The following TIMM17A variants were observed in gnomAD, a reference collection of about 807,000 sequenced individuals.
TIMM17A encodes translocase of inner mitochondrial membrane 17A.
In TIMM17A, 15 loss-of-function variants were observed where a neutral mutation model predicts 26.5. The observed-to-expected ratio is 0.57, with a 90% confidence interval of 0.38 to 0.87. TIMM17A has a LOEUF of 0.87. TIMM17A is among the 40% of genes least tolerant of loss of function. The pLI, the probability that TIMM17A is intolerant of heterozygous loss-of-function variation, is 0.00. For synonymous variants in TIMM17A, 80 were observed against 70.8 expected (o/e 1.13, Z -0.66); for missense variants, 201 against 210.0 (o/e 0.96, Z 0.27).
At chr1:201,959,331 G>A (rs1350177704) in intron 3 of TIMM17A, among the ~76,000 whole-genome samples, 1 of 151,934 alleles carries the variant, frequency 6.6e-6, no homozygotes, top group Non-Finnish European at 1.5e-5. Context: ...ACTCCAGGCG[G>A]GGTGACAGAG....
chr1:201,955,882 C>G (rs1571601709), intron 1 of TIMM17A, among the ~76,000 whole-genome samples: 1 of 152,196 alleles, frequency 6.6e-6, no homozygotes, highest in East Asian at 1.9e-4. Context: ...AGTTATAATC[C>G]CCCCTGTTCG....
intron 5 of TIMM17A, among the ~76,000 whole-genome samples, chr1:201,966,309 C>T (rs1682624553): frequency 6.6e-6 from 1 of 151,860 alleles, no homozygotes; most frequent in South Asian, 2.1e-4. Context: ...TTGCAGTGAG[C>T]CGAGATCACA....
chr1:201,955,557 G>C lies in TIMM17A; in HGVS notation c.26+5G>C, dbSNP rs767828065. ...GGAGTACGCGCGAGAGCCTTGGTGA[G>C]CTTCACCGCTGTCTTTGCATTTCTC... On this transcript the variant is annotated splice_donor_5th_base_variant and intron_variant, in intron 1 of 5. Coordinates refer to ENST00000367287, the MANE Select transcript of TIMM17A (RefSeq NM_006335.3). 1 of 1,614,114 alleles carries C rather than the reference G, an allele frequency of 6.2e-7. No individual in the cohort carries two copies. The highest frequency in any genetic ancestry group is 8.5e-7 in the Non-Finnish European group (1 of 1,180,044).
intron 3 of TIMM17A, among the ~76,000 whole-genome samples, chr1:201,959,924 C>T (rs760961747): frequency 1.3e-5 from 2 of 151,954 alleles, no homozygotes; most frequent in African/African-American, 2.4e-5. Context: ...TGGCTGAACC[C>T]GGGAGGCGGA....
chr1:201,960,969 T>C (rs1682512370), intron 3 of TIMM17A, among the ~76,000 whole-genome samples: 1 of 152,024 alleles, frequency 6.6e-6, no homozygotes, highest in Admixed American at 6.6e-5. Context: ...AGGCAGGTCT[T>C]GAACTCCCTA....
intron 5 of TIMM17A, among the ~76,000 whole-genome samples, chr1:201,967,517 T>TTTTATTTATTTATTTTA (rs56187343): frequency 0.76 from 109,154 of 142,692 alleles, 42,092 homozygotes; most frequent in Non-Finnish European, 0.81. Context: ...GGAATCTCCT[T>TTTTATTTATTTATTTTA]TTTATTTATT....
intron 1 of TIMM17A, among the ~76,000 whole-genome samples, chr1:201,956,807 T>C (rs1371739077): frequency 6.6e-6 from 1 of 151,646 alleles, no homozygotes; most frequent in Non-Finnish European, 1.5e-5. Context: ...AATACAAATA[T>C]TAGCCGGGCG....
At chr1:201,968,259 C>T (rs922540906) in intron 5 of TIMM17A, among the ~76,000 whole-genome samples, 1 of 152,002 alleles carries the variant, frequency 6.6e-6, no homozygotes. Flanking sequence ...CCTTGACCTC[C>T]CAAAGTGCTG....
rs572223784 is a variant in TIMM17A at position 201,966,991 on chromosome 1, T to TTATG, written c.430+1449_430+1450insATGT. On this transcript the variant is annotated intron_variant, in intron 5 of 5. Coordinates refer to ENST00000367287, the MANE Select transcript of TIMM17A (RefSeq NM_006335.3). ...TTATATATGTTGTATATTATATATG[T>TTATG]TGTGTGTGTGTGTGTGTGTGTGTGT... 4.2e-4 allele frequency among the ~76,000 whole-genome samples: 56 copies of TTATG among 133,098 alleles called. 1 individual carries two copies. The highest frequency in any genetic ancestry group is 1.5e-3 in the African/African-American group (52 of 35,848). 87.3% of individuals were successfully genotyped at this position (133,098 alleles called of 152,430 possible). A position where few individuals can be genotyped will look rare whatever the true frequency, so the allele number is the denominator to read the frequency against.
Position 201,957,298 on chromosome 1 carries a change from A to G in TIMM17A, c.44A>G (p.Asp15Gly). The change falls in exon 2 of 6, where the codon GAT becomes GGT. Residue 15 changes from aspartate to glycine, a missense_variant. By Grantham distance (94) the Asp-to-Gly change is moderately conservative (BLOSUM62 -1). Transcript: ENST00000367287. ...AREPCPWRIV[D>G]DCGGAFTMGT... ...GTTCTTAGCCCATGGCGAATTGTGG[A>G]TGACTGTGGTGGGGCCTTTACGATG... 6.2e-7 allele frequency: 1 copy of G among 1,612,290 alleles called. No homozygotes were observed. The highest frequency in any genetic ancestry group is 8.5e-7 in the Non-Finnish European group (1 of 1,178,866).
chr1:201,968,882 CT>C lies in TIMM17A; in HGVS notation c.431-573del, dbSNP rs34417220. Among the ~76,000 whole-genome samples, 603 of 144,268 alleles carry C rather than the reference CT, an allele frequency of 4.2e-3. 1 individual carries two copies. The highest frequency in any genetic ancestry group is 0.014 in the Middle Eastern group (4 of 286). 94.6% of individuals were successfully genotyped at this position (144,268 alleles called of 152,430 possible). A position where few individuals can be genotyped will look rare whatever the true frequency, so the allele number is the denominator to read the frequency against. ...AAAGATTGATTCATCCCCTAAAAGTCTTTTTTTTTTTTTTAAGCCACTTTGT... is the reference window on the plus strand; with the variant it reads ...AAAGATTGATTCATCCCCTAAAAGTCTTTTTTTTTTTTTAAGCCACTTTGT... On this transcript the variant is annotated intron_variant, in intron 5 of 5. Transcript: ENST00000367287.
chr1:201,970,370 A>G lies in TIMM17A; in HGVS notation c.*816A>G, dbSNP rs552825392. Reference sequence around the variant, plus strand: ...AATGTGTTCCAAGTCCTCTGCATAAACGATGTATTTTGGGGTCTGGTTGGG... The same window carrying G: ...AATGTGTTCCAAGTCCTCTGCATAAGCGATGTATTTTGGGGTCTGGTTGGG... On this transcript the variant is annotated 3_prime_UTR_variant, in exon 6 of 6. Coordinates refer to ENST00000367287, the MANE Select transcript of TIMM17A (RefSeq NM_006335.3). 1 of 152,354 alleles carries G rather than the reference A, an allele frequency of 6.6e-6. No homozygotes were observed. Among genetic ancestry groups the G allele is most frequent in the South Asian group, 2.1e-4 (1 of 4,826 alleles). 9.4% of individuals were successfully genotyped at this position (152,354 alleles called of 1,614,324 possible).
intron 5 of TIMM17A, among the ~76,000 whole-genome samples, chr1:201,965,863 A>G (rs367890610): frequency 1.3e-5 from 2 of 152,186 alleles, no homozygotes; most frequent in Non-Finnish European, 2.9e-5. Context: ...GTCAATTGAC[A>G]ATTTAGTATT....
At chr1:201,964,635 C>CTTTTTTTTTTTTTTTTTTTTTTT (rs570309464) in intron 4 of TIMM17A, among the ~76,000 whole-genome samples, 4 of 90,952 alleles carry the variant, frequency 4.4e-5, no homozygotes, top group African/African-American at 1.0e-4. Flanking sequence ...TATTTTATTT[C>CTTTTTTTTTTTTTTTTTTTTTTT]TTTTTTTTTT....
At chr1:201,958,257 G>A (rs1362807528) in intron 3 of TIMM17A, among the ~76,000 whole-genome samples, 1 of 152,180 alleles carries the variant, frequency 6.6e-6, no homozygotes, top group Non-Finnish European at 1.5e-5. Flanking sequence ...CAAGCCGATT[G>A]GGCTCTTCTC....
intron 3 of TIMM17A, among the ~76,000 whole-genome samples, chr1:201,961,934 ATCTC>A (rs1682540978): frequency 6.6e-6 from 1 of 150,972 alleles, no homozygotes; most frequent in Admixed American, 6.6e-5. Context: ...TTCCTTGAGA[ATCTC>A]TCTCTTGCTT....
intron 3 of TIMM17A, among the ~76,000 whole-genome samples, chr1:201,961,651 A>C (rs551864288): frequency 2.0e-5 from 3 of 152,266 alleles, no homozygotes; most frequent in African/African-American, 7.2e-5. Flanking sequence ...CAGGAGTTCA[A>C]CACCCTTGAC....
Position 201,964,635 on chromosome 1 carries a change from C to CTTTTTTTTTTTTT in TIMM17A, c.320-779_320-767dup, listed in dbSNP as rs570309464. On this transcript the variant is annotated intron_variant, in intron 4 of 5. Coordinates refer to ENST00000367287, the MANE Select transcript of TIMM17A (RefSeq NM_006335.3). ...TTTATTTATTTATTTTATTTTATTT[C>CTTTTTTTTTTTTT]TTTTTTTTTTTTTTTTTTTTTTTTT... Among the ~76,000 whole-genome samples, 19 of 90,960 alleles carry CTTTTTTTTTTTTT rather than the reference C, an allele frequency of 2.1e-4. 3 individuals carry two copies. Among genetic ancestry groups the CTTTTTTTTTTTTT allele is most frequent in the African/African-American group, 4.1e-4 (8 of 19,468 alleles). 59.7% of individuals were successfully genotyped at this position (90,960 alleles called of 152,430 possible). A position where few individuals can be genotyped will look rare whatever the true frequency, so the allele number is the denominator to read the frequency against.
At chr1:201,965,109 G>A (rs545344870) in intron 4 of TIMM17A, among the ~76,000 whole-genome samples, 16 of 151,544 alleles carry the variant, frequency 1.1e-4, no homozygotes, top group South Asian at 2.1e-4. Flanking sequence ...CCGCCACCAC[G>A]TCAAGCTAAT....
Sources: allele counts gnomAD v4.1 joint callset (sites outside exome capture counted in the v4.1 genomes callset), GRCh38; gene constraint gnomAD v4.1.1; transcripts MANE v1.5; gene names NCBI Gene and HGNC (gene_info 2026-07-23, HGNC 2026-07-21).